The following GNA15 variants were observed in gnomAD, a reference collection of about 807,000 sequenced individuals.
The protein encoded by GNA15 is G protein subunit alpha 15, also known as guanine nucleotide-binding protein subunit alpha-15.
In GNA15, 23 loss-of-function variants were observed where a neutral mutation model predicts 40.1. The ratio of observed to expected loss-of-function variants is 0.57; its 90% CI spans 0.41 to 0.81. The LOEUF is 0.81. Ranked by LOEUF, GNA15 falls within the 40% of genes least tolerant of loss-of-function variation. The pLI is 0.00. For synonymous variants in GNA15, 226 were observed against 210.4 expected (o/e 1.07, Z -0.64); for missense variants, 522 against 515.8 (o/e 1.01, Z -0.12).
intron 4 of GNA15, among the ~76,000 whole-genome samples, chr19:3,154,209 A>G (rs993374741): frequency 2.9e-4 from 39 of 133,412 alleles, no homozygotes; most frequent in Admixed American, 5.2e-4. Context: ...GGATGGGTGG[A>G]TGAGTGGATG....
chr19:3,162,189 A>C (rs1915153064), intron 6 of GNA15, among the ~76,000 whole-genome samples: 2 of 151,704 alleles, frequency 1.3e-5, no homozygotes, highest in African/African-American at 4.8e-5. Flanking sequence ...CTGTAATCCC[A>C]GCGCTTTGGG....
rs140178458 is a variant in GNA15 at position 3,143,650 on chromosome 19, C to A, written c.146-4941C>A. ...CCTGGGTGACAGAGTGAGACCCTGTCTCAAAAATAATAATAATAATAAAAA... is the reference window on the plus strand; with the variant it reads ...CCTGGGTGACAGAGTGAGACCCTGTATCAAAAATAATAATAATAATAAAAA... On this transcript the variant is annotated intron_variant, in intron 1 of 6. Coordinates refer to ENST00000262958, the MANE Select transcript of GNA15 (RefSeq NM_002068.4). Among the ~76,000 whole-genome samples, 534 of 151,922 alleles carry A rather than the reference C, an allele frequency of 3.5e-3. 3 individuals carry two copies. The highest frequency in any genetic ancestry group is 0.012 in the African/African-American group (493 of 41,432).
intron 1 of GNA15, among the ~76,000 whole-genome samples, chr19:3,148,089 T>C (rs776153096): frequency 6.6e-6 from 1 of 151,592 alleles, no homozygotes; most frequent in African/African-American, 2.4e-5. Context: ...TTTTTGTTTG[T>C]TTGTTTTGTT....
At chr19:3,137,843 C>T (rs1914488631) in intron 1 of GNA15, among the ~76,000 whole-genome samples, 1 of 152,038 alleles carries the variant, frequency 6.6e-6, no homozygotes, top group Non-Finnish European at 1.5e-5. Context: ...CAGCTATAAT[C>T]CCAGCTACTC....
intron 2 of GNA15, 34 bp downstream of exon 2, chr19:3,148,809 G>A: frequency 2.6e-6 from 4 of 1,553,952 alleles, no homozygotes; most frequent in Non-Finnish European, 3.5e-6. Flanking sequence ...GCCCAGGGCA[G>A]GCAGGGGCCC....
At chr19:3,144,738 C>T (rs1300554648) in intron 1 of GNA15, among the ~76,000 whole-genome samples, 2 of 150,758 alleles carry the variant, frequency 1.3e-5, no homozygotes, top group African/African-American at 2.4e-5. Flanking sequence ...CCGTGTTAGC[C>T]AGGATGGTCT....
chr19:3,136,177 A>G lies in GNA15; in HGVS notation c.-274A>G. On this transcript the variant is annotated 5_prime_UTR_variant, in exon 1 of 7. Coordinates refer to ENST00000262958, the MANE Select transcript of GNA15 (RefSeq NM_002068.4). The surrounding 1 kb of genome is among the most constrained non-coding windows in gnomAD (Gnocchi z 4.9). Reference sequence around the variant, plus strand: ...TCAACCTGTCGGGCCGGGTCTGAGCAGGTCTGGAGGTGGGCGGGGAGCCCT... The same window carrying G: ...TCAACCTGTCGGGCCGGGTCTGAGCGGGTCTGGAGGTGGGCGGGGAGCCCT... 1 of 359,124 alleles carries G rather than the reference A, an allele frequency of 2.8e-6. No individual in the cohort carries two copies. The highest frequency in any genetic ancestry group is 3.3e-5 in the South Asian group (1 of 30,140). 22.2% of individuals were successfully genotyped at this position (359,124 alleles called of 1,614,324 possible). A position where few individuals can be genotyped will look rare whatever the true frequency, so the allele number is the denominator to read the frequency against.
At chr19:3,144,729 C>A (rs751362307) in intron 1 of GNA15, among the ~76,000 whole-genome samples, 4 of 150,666 alleles carry the variant, frequency 2.7e-5, no homozygotes, top group East Asian at 2.0e-4. Context: ...GGGGTTTCAC[C>A]GTGTTAGCCA....
chr19:3,162,935 A>G lies in GNA15; in HGVS notation c.1041A>G (p.Thr347=). The part of the protein sequence containing the change: ...RRLFSHYTCA[T]DTQNIRKVFK... Reference sequence around the variant, plus strand: ...TCTTCAGCCACTACACATGTGCCACAGACACACAGAACATCCGCAAGGTCT... The same window carrying G: ...TCTTCAGCCACTACACATGTGCCACGGACACACAGAACATCCGCAAGGTCT... Residue 347 remains threonine (T), a synonymous_variant, in exon 7 of 7, where the codon ACA becomes ACG. Coordinates refer to ENST00000262958, the MANE Select transcript of GNA15 (RefSeq NM_002068.4). The G allele has an allele frequency of 1.2e-6, 2 of 1,614,074 alleles. No individual in the cohort carries two copies. Among genetic ancestry groups the G allele is most frequent in the Non-Finnish European group, 1.7e-6 (2 of 1,179,948 alleles).
intron 6 of GNA15, among the ~76,000 whole-genome samples, chr19:3,159,349 T>C (rs1173666847): frequency 8.8e-5 from 5 of 56,956 alleles, no homozygotes; most frequent in Non-Finnish European, 2.1e-4. Flanking sequence ...TTCTTTTCTT[T>C]TTTTTTTTTT....
chr19:3,158,472 G>A (rs1490570532), intron 6 of GNA15, among the ~76,000 whole-genome samples: 1 of 151,970 alleles, frequency 6.6e-6, no homozygotes, highest in East Asian at 1.9e-4. Context: ...TTTTATGCTT[G>A]TTGGCCAACA....
chr19:3,144,172 G>A (rs1914643652), intron 1 of GNA15, among the ~76,000 whole-genome samples: 1 of 150,096 alleles, frequency 6.7e-6, no homozygotes, highest in African/African-American at 2.5e-5. Flanking sequence ...GTGAGGCTCA[G>A]GACAGATGGT....
chr19:3,150,949 T>TGGGGTTGATCCTTTTCC (rs1215027834), intron 3 of GNA15, among the ~76,000 whole-genome samples: 2 of 150,954 alleles, frequency 1.3e-5, no homozygotes, highest in Admixed American at 6.6e-5. Context: ...GATCCTGTTC[T>TGGGGTTGATCCTTTTCC]GGCGTTGATC....
At chr19:3,157,937 G>C (rs1370419290) in intron 6 of GNA15, 56 bp downstream of exon 6, 8 of 1,380,872 alleles carry the variant, frequency 5.8e-6, no homozygotes, top group Non-Finnish European at 7.2e-6. Flanking sequence ...GCTCCGAAGA[G>C]AGATGCTAAT....
chr19:3,156,203 C>CACGCACA (rs1555707138), intron 5 of GNA15, among the ~76,000 whole-genome samples: 1 of 126,102 alleles, frequency 7.9e-6, no homozygotes, highest in Non-Finnish European at 1.8e-5. Context: ...CACACACACA[C>CACGCACA]TACAGTGCAC....
chr19:3,156,163 GACACACACAC>G lies in GNA15; in HGVS notation c.744+242_744+251del, dbSNP rs141415003. 5.1e-5 allele frequency among the ~76,000 whole-genome samples: 7 copies of G among 136,042 alleles called. No individual in the cohort carries two copies. In the East Asian group the frequency reaches 1.1e-3, roughly 22 times the overall value. The allele number at this position is 136,042 out of a possible 152,430, so 89.2% of individuals were successfully genotyped here. A position where few individuals can be genotyped will look rare whatever the true frequency, so the allele number is the denominator to read the frequency against. ...CAGCATTTGTTTGGTCAGGACCCCA[GACACACACAC>G]ACACACACACACACACACACACACA... On this transcript the variant is annotated intron_variant, in intron 5 of 6. Coordinates refer to ENST00000262958, the MANE Select transcript of GNA15 (RefSeq NM_002068.4).
intron 1 of GNA15, among the ~76,000 whole-genome samples, chr19:3,140,051 C>CTATCTATCTATCTATCTATGTATG (rs1568292378): frequency 7.4e-5 from 11 of 148,648 alleles, no homozygotes; most frequent in African/African-American, 2.8e-4. Context: ...AAAAATCTAT[C>CTATCTATCTATCTATCTATGTATG]TATCTATCTA....
chr19:3,161,840 C>T (rs763099825), intron 6 of GNA15, among the ~76,000 whole-genome samples: 1 of 152,044 alleles, frequency 6.6e-6, no homozygotes, highest in Non-Finnish European at 1.5e-5. Context: ...TGAGACCAGC[C>T]TGGCCAACAT....
intron 1 of GNA15, among the ~76,000 whole-genome samples, chr19:3,140,164 G>A (rs1914549645): frequency 6.7e-6 from 1 of 150,094 alleles, no homozygotes; most frequent in Admixed American, 6.7e-5. Context: ...TAAATAAATA[G>A]GGCTACTTAG....
Sources: gnomAD v4.1 joint callset for allele counts (sites outside exome capture counted in the v4.1 genomes callset) on GRCh38, gnomAD v4.1.1 for gene constraint, Gnocchi (gnomAD v3.1) non-coding constraint, MANE v1.5 for transcripts, NCBI Gene and HGNC (gene_info 2026-07-23, HGNC 2026-07-21) for gene names.